MACROD2: variants seen among roughly 807,000 people sequenced by gnomAD.
MACROD2 encodes the protein ADP-ribose glycohydrolase MACROD2.
In MACROD2, 36 loss-of-function variants were observed where a neutral mutation model predicts 70.4. The observed-to-expected ratio is 0.51, with a 90% CI of 0.39 to 0.68. The LOEUF is 0.68. Among genes scored for constraint, MACROD2 ranks in the 30% least tolerant of loss-of-function variants. The pLI is 0.00. For missense variants in MACROD2, 496 were observed against 538.4 expected, an observed-to-expected ratio of 0.92 and a Z score of 0.78; for synonymous variants, 172 against 178.8, an observed-to-expected ratio of 0.96 and a Z score of 0.30.
intron 8 of MACROD2, among the ~76,000 whole-genome samples, chr20:15,833,108 G>A (rs2147119585): frequency 6.6e-6 from 1 of 152,326 alleles, no homozygotes; most frequent in African/African-American, 2.4e-5. Flanking sequence ...GCATTCTACA[G>A]TAATCCAAAA....
chr20:14,441,358 G>A (rs1252555692), intron 3 of MACROD2, among the ~76,000 whole-genome samples: 1 of 152,124 alleles, frequency 6.6e-6, no homozygotes, highest in Non-Finnish European at 1.5e-5. Flanking sequence ...CAGGCAAGAT[G>A]GCAAGAACAA....
chr20:14,649,406 GTCT>G (rs1985560886), intron 4 of MACROD2, among the ~76,000 whole-genome samples: 1 of 152,142 alleles, frequency 6.6e-6, no homozygotes, highest in African/African-American at 2.4e-5. Flanking sequence ...AGCAATTTAA[GTCT>G]TCAAGGGAGA....
chr20:15,999,555 C>A (rs2066680731), intron 15 of MACROD2, among the ~76,000 whole-genome samples: 2 of 152,160 alleles, frequency 1.3e-5, no homozygotes, highest in South Asian at 4.1e-4. Flanking sequence ...ACCTATCTAT[C>A]ATTGAAGTGG....
chr20:15,349,234 A>G (rs1232759068), intron 6 of MACROD2, among the ~76,000 whole-genome samples: 2 of 152,188 alleles, frequency 1.3e-5, no homozygotes, highest in Non-Finnish European at 2.9e-5. Context: ...AGAACCAAAA[A>G]TCATAATCTT....
At chr20:14,733,251 A>G (rs760809430) in intron 5 of MACROD2, among the ~76,000 whole-genome samples, 88 of 152,270 alleles carry the variant, frequency 5.8e-4, no homozygotes, top group Non-Finnish European at 8.2e-4. Flanking sequence ...TTGACATTGC[A>G]TAAGTCCTCC....
chr20:14,252,229 A>G (rs1401402658), intron 3 of MACROD2, among the ~76,000 whole-genome samples: 2 of 151,992 alleles, frequency 1.3e-5, no homozygotes, highest in African/African-American at 4.8e-5. Context: ...AGTTTATCCA[A>G]ATCAGGTCTC....
intron 6 of MACROD2, among the ~76,000 whole-genome samples, chr20:15,391,327 G>A (rs1205340555): frequency 1.3e-5 from 2 of 152,228 alleles, no homozygotes; most frequent in Admixed American, 1.3e-4. Context: ...TAAAAAATGT[G>A]TAAGAAATCA....
At chr20:14,722,350 A>G (rs2071479598) in intron 5 of MACROD2, among the ~76,000 whole-genome samples, 1 of 152,196 alleles carries the variant, frequency 6.6e-6, no homozygotes, top group Non-Finnish European at 1.5e-5. Context: ...GATGAGGTAA[A>G]GAATTGAGAA....
chr20:14,004,671 A>G (rs2052787203), intron 2 of MACROD2, among the ~76,000 whole-genome samples: 1 of 152,178 alleles, frequency 6.6e-6, no homozygotes, highest in African/African-American at 2.4e-5. Context: ...AATCCTTTAA[A>G]AATATAAATT....
chr20:14,115,725 AT>A (rs1322699930), intron 3 of MACROD2, among the ~76,000 whole-genome samples: 14 of 152,246 alleles, frequency 9.2e-5, no homozygotes, highest in African/African-American at 3.4e-4. Context: ...TGAAATTGAG[AT>A]TTGTGTATTT....
At chr20:14,310,717 G>A (rs2082559707) in intron 3 of MACROD2, among the ~76,000 whole-genome samples, 1 of 152,176 alleles carries the variant, frequency 6.6e-6, no homozygotes. Flanking sequence ...GGAGATGACA[G>A]CTTCATGCAT....
At chr20:15,721,068 A>G (rs900701038) in intron 8 of MACROD2, among the ~76,000 whole-genome samples, 1 of 152,114 alleles carries the variant, frequency 6.6e-6, no homozygotes, top group African/African-American at 2.4e-5. Context: ...CTTCATGAAA[A>G]CTTTTGGCTA....
intron 8 of MACROD2, among the ~76,000 whole-genome samples, chr20:15,722,015 G>C (rs1328415463): frequency 1.3e-5 from 2 of 152,148 alleles, no homozygotes; most frequent in African/African-American, 2.4e-5. Flanking sequence ...AATTTCTCCT[G>C]TTGCTTAAAA....
chr20:15,969,188 T>C (rs1273171235), intron 13 of MACROD2, among the ~76,000 whole-genome samples: 1 of 152,184 alleles, frequency 6.6e-6, no homozygotes, highest in East Asian at 1.9e-4. Flanking sequence ...CAGTCCAGAT[T>C]GCTAGTCCCC....
intron 5 of MACROD2, among the ~76,000 whole-genome samples, chr20:15,221,535 A>G (rs2076861347): frequency 6.6e-6 from 1 of 152,186 alleles, no homozygotes; most frequent in Admixed American, 6.5e-5. Flanking sequence ...TCCCTTTTCC[A>G]TGAGTTTCAA....
At chr20:15,195,071 A>G (rs1461537256) in intron 5 of MACROD2, among the ~76,000 whole-genome samples, 5 of 152,176 alleles carry the variant, frequency 3.3e-5, no homozygotes. Context: ...TACATCTTAT[A>G]CAAAAATTAA....
intron 6 of MACROD2, among the ~76,000 whole-genome samples, chr20:15,424,024 G>A (rs961087159): frequency 4.0e-5 from 6 of 151,850 alleles, no homozygotes; most frequent in African/African-American, 1.5e-4. Flanking sequence ...AGAAGAGCTA[G>A]GTAGCTCTCT....
At chr20:14,191,131 T>G (rs962358550) in intron 3 of MACROD2, among the ~76,000 whole-genome samples, 1 of 152,174 alleles carries the variant, frequency 6.6e-6, no homozygotes, top group Non-Finnish European at 1.5e-5. Flanking sequence ...GTGTACGTAT[T>G]GCTTCATATA....
intron 13 of MACROD2, among the ~76,000 whole-genome samples, chr20:15,985,203 T>C (rs2066461628): frequency 1.3e-5 from 2 of 152,154 alleles, no homozygotes; most frequent in African/African-American, 4.8e-5. Flanking sequence ...CGGACCTGTT[T>C]TTGTTTTTGT....
Sources: allele counts gnomAD v4.1 joint callset (sites outside exome capture counted in the v4.1 genomes callset), GRCh38; gene constraint gnomAD v4.1.1; transcripts MANE v1.5; gene names NCBI Gene and HGNC (gene_info 2026-07-23, HGNC 2026-07-21).